Variants in DMKN observed in about 807,000 individuals in gnomAD.
DMKN encodes dermokine, also known as epidermis-specific secreted protein SK30/SK89.
In DMKN, 58 loss-of-function variants were observed where a neutral mutation model predicts 67.6. The observed-to-expected ratio is 0.86, with a 90% confidence interval of 0.69 to 1.07. DMKN has a LOEUF of 1.07. DMKN is among the 50% of genes least tolerant of loss of function. DMKN has a pLI of 0.00. For missense variants in DMKN, 596 were observed against 601.5 expected, an observed-to-expected ratio of 0.99 and a Z score of 0.10; for synonymous variants, 240 against 232.3, an observed-to-expected ratio of 1.03 and a Z score of -0.30.
intron 10 of DMKN, among the ~76,000 whole-genome samples, chr19:35,502,565 A>G (rs1290368778): frequency 1.3e-5 from 2 of 151,850 alleles, no homozygotes; most frequent in South Asian, 2.1e-4. Context: ...TTAGCCGGGC[A>G]CGGTGGCAGG....
At chr19:35,507,097 C>A in intron 7 of DMKN, 1 of 203,596 alleles carries the variant, frequency 4.9e-6, no homozygotes, top group Non-Finnish European at 1.0e-5. Context: ...TATGCTGGTG[C>A]CTGGCCAGAG....
chr19:35,513,508 T>C lies in DMKN; in HGVS notation c.-33A>G, dbSNP rs1251172133. Reference sequence around the variant, plus strand: ...CAGCCCCCTCTCTCTCCAGAGTGTCTTCCTCCCACCAGGGTCTCCTCCTTG... The same window carrying C: ...CAGCCCCCTCTCTCTCCAGAGTGTCCTCCTCCCACCAGGGTCTCCTCCTTG... On this transcript the variant is annotated 5_prime_UTR_variant, in exon 1 of 16. Transcript: ENST00000339686. The C allele has an allele frequency of 1.3e-6, 2 of 1,571,496 alleles. No homozygotes were observed. Among genetic ancestry groups the C allele is most frequent in the African/African-American group, 2.7e-5 (2 of 74,042 alleles).
chr19:35,510,204 C>T lies in DMKN; in HGVS notation c.967G>A (p.Gly323Arg), dbSNP rs1298199776. 10 of 1,608,358 alleles carry T rather than the reference C, an allele frequency of 6.2e-6. No homozygotes were observed. The highest frequency in any genetic ancestry group is 8.5e-6 in the Non-Finnish European group (10 of 1,177,708). Residue 323 changes from glycine to arginine, a missense_variant, in exon 6 of 16, where the codon GGA (glycine) becomes AGA (arginine). By Grantham distance (125) the Gly-to-Arg change is moderately radical. Coordinates refer to ENST00000339686, the MANE Select transcript of DMKN (RefSeq NM_033317.5). The stretch of plus-strand genomic sequence containing the variant: ...CTCACCCCGGGTTTATGTCCATTTC[C>T]TCCGCCGCTCCCACCGTGGTTGCCG... ...SSGNHGGSGGGNGHKPGCEKP... is the reference protein window; with the variant it reads ...SSGNHGGSGGRNGHKPGCEKP...
chr19:35,508,247 G>T, intron 7 of DMKN: 1 of 1,551,966 alleles, frequency 6.4e-7, no homozygotes, highest in African/African-American at 1.4e-5. Context: ...AGCCCTGCAG[G>T]GTGAGACAAA....
intron 6 of DMKN, 74 bp from the exon 7 acceptor site, chr19:35,510,035 T>A: frequency 4.4e-6 from 7 of 1,602,364 alleles, no homozygotes; most frequent in Non-Finnish European, 6.0e-6. Flanking sequence ...ATGGCAGCAT[T>A]TTAACCCTGG....
At chr19:35,501,206 G>A (rs773145756) in intron 11 of DMKN, among the ~76,000 whole-genome samples, 9 of 152,008 alleles carry the variant, frequency 5.9e-5, no homozygotes, top group South Asian at 2.1e-4. Flanking sequence ...TGGACCGTCC[G>A]CCCTGCCACA....
intron 6 of DMKN, 108 bp from the exon 7 acceptor site, chr19:35,510,069 C>A (rs1468583815): frequency 2.4e-5 from 37 of 1,572,204 alleles, no homozygotes; most frequent in Non-Finnish European, 3.1e-5. Context: ...CGCTCCACCT[C>A]CGCGGCCATC....
At chr19:35,509,609 G>C (rs1314414981) in intron 7 of DMKN, 4 of 336,178 alleles carry the variant, frequency 1.2e-5, no homozygotes, top group African/African-American at 2.1e-5. Context: ...ACCACAGTCT[G>C]TTCCCCGGCT....
rs917217566 is a variant in DMKN, at chr19:35,512,296, C to T, written c.684+125G>A. The T allele has an allele frequency of 6.0e-6, 8 of 1,330,130 alleles. No individual in the cohort carries two copies. The African/African-American group carries it at 8.9e-5, about 15-fold the overall frequency. The allele number at this position is 1,330,130 out of a possible 1,614,324, so 82.4% of individuals were successfully genotyped here. A position where few individuals can be genotyped will look rare whatever the true frequency, so the allele number is the denominator to read the frequency against. On this transcript the variant is annotated intron_variant, in intron 3 of 15. Coordinates refer to ENST00000339686, the MANE Select transcript of DMKN (RefSeq NM_033317.5). ...TACAGGTGTGAGCCACCTCGCCCAG[C>T]CCCATCTCTTCCTCTCACCCCAATC...
At chr19:35,499,369 G>A (rs1039303657) in intron 13 of DMKN, 7 of 189,776 alleles carry the variant, frequency 3.7e-5, no homozygotes, top group Non-Finnish European at 6.4e-5. Flanking sequence ...ACAGCCTGCT[G>A]TTGCTTTGTC....
At chr19:35,508,265 A>G in intron 7 of DMKN, 1 of 1,551,846 alleles carries the variant, frequency 6.4e-7, no homozygotes, top group Non-Finnish European at 8.7e-7. Flanking sequence ...AAAGAAACAC[A>G]GACCCCTGCT....
chr19:35,508,915 T>C (rs941148085), intron 7 of DMKN, among the ~76,000 whole-genome samples: 1 of 151,760 alleles, frequency 6.6e-6, no homozygotes, highest in Non-Finnish European at 1.5e-5. Context: ...AAAACTGAGG[T>C]ATATTAAAAA....
Position 35,511,540 on chromosome 19 carries a change from G to A in DMKN, c.789C>T (p.Asn263=). ...GSSGSGSNGD[N]NNGSSSGGSS... is the part of the protein sequence containing the mutation. ...TGCCACCACTGCTGCTGCCATTGTT[G>A]TTGTCACCATTGCTGCCACTGCCAC... The change falls in exon 5 of 16, where the codon AAC becomes AAT. Residue 263 remains asparagine, a synonymous_variant. Coordinates refer to ENST00000339686, the MANE Select transcript of DMKN (RefSeq NM_033317.5). 1 of 1,585,898 alleles carries A rather than the reference G, an allele frequency of 6.3e-7. No homozygotes were observed.
rs1233044290 is a variant in DMKN at position 35,510,626 on chromosome 19, A to G, written c.919-374T>C. 5 of 1,401,016 alleles carry G rather than the reference A, an allele frequency of 3.6e-6. No homozygotes were observed. In the East Asian group the frequency reaches 1.0e-4, roughly 29 times the overall value. The allele number at this position is 1,401,016 out of a possible 1,614,324, so 86.8% of individuals were successfully genotyped here. A position where few individuals can be genotyped will look rare whatever the true frequency, so the allele number is the denominator to read the frequency against. ...AGCGGCCGTAGCTGCCTTGGTCACC[A>G]TTCCCAGAACTGCCCTAGATGGGGG... On this transcript the variant is annotated intron_variant, in intron 5 of 15. Coordinates refer to ENST00000339686, the MANE Select transcript of DMKN (RefSeq NM_033317.5).
chr19:35,511,742 G>A (rs1288224822), intron 4 of DMKN, 21 bp downstream of exon 4: 2 of 1,610,388 alleles, frequency 1.2e-6, no homozygotes, highest in Non-Finnish European at 1.7e-6. Flanking sequence ...CACAACTCCT[G>A]GGTTGCCCCT....
At chr19:35,508,453 G>A in intron 7 of DMKN, 1 of 536,540 alleles carries the variant, frequency 1.9e-6, no homozygotes, top group South Asian at 2.3e-5. Context: ...AAGATAAGAG[G>A]TAGATAGTAA....
intron 9 of DMKN, among the ~76,000 whole-genome samples, 162 bp downstream of exon 9, chr19:35,505,556 T>G (rs1200367556): frequency 2.6e-5 from 4 of 152,176 alleles, no homozygotes; most frequent in Admixed American, 6.5e-5. Flanking sequence ...TTTTCAGGTC[T>G]CCTCTGTCCT....
At chr19:35,508,104 G>T in intron 7 of DMKN, 1 of 1,444,888 alleles carries the variant, frequency 6.9e-7, no homozygotes, top group Non-Finnish European at 9.5e-7. Flanking sequence ...ACCTGGCAGG[G>T]ATGTGGGACC....
Position 35,500,243 on chromosome 19 carries a change from G to GCCT in DMKN, c.1288-217_1288-215dup. The GCCT allele has an allele frequency of 2.3e-6, 3 of 1,330,744 alleles. No homozygotes were observed. In the South Asian group the frequency reaches 4.3e-5, roughly 19 times the overall value. 82.4% of individuals were successfully genotyped at this position (1,330,744 alleles called of 1,614,324 possible). On this transcript the variant is annotated intron_variant, in intron 12 of 15. Transcript: ENST00000339686. ...TACTGTCCTAGCCCAAATGGCCGCC[G>GCCT]CCTCCTCCTCCTACTCCTCCTCCTG...
Sources: gnomAD v4.1 joint callset for allele counts (sites outside exome capture counted in the v4.1 genomes callset) on GRCh38, gnomAD v4.1.1 for gene constraint, MANE v1.5 for transcripts, NCBI Gene and HGNC (gene_info 2026-07-23, HGNC 2026-07-21) for gene names.